ABRAXAS2: variants seen among roughly 807,000 people sequenced by gnomAD.
ABRAXAS2 encodes abraxas 2, BRISC complex subunit, also known as BRISC complex subunit Abraxas 2.
In ABRAXAS2, 23 loss-of-function variants were observed where a neutral mutation model predicts 49.0. The observed-to-expected ratio is 0.47, with a 90% confidence interval of 0.34 to 0.66. The LOEUF (loss-of-function observed/expected upper bound fraction) is 0.66. ABRAXAS2 is among the 30% of genes least tolerant of loss of function. The pLI, the probability that ABRAXAS2 is intolerant of heterozygous loss-of-function variation, is 0.01. For missense variants in ABRAXAS2, 443 were observed against 511.9 expected, an observed-to-expected ratio of 0.87 and a Z score of 1.30; for synonymous variants, 168 against 180.2, an observed-to-expected ratio of 0.93 and a Z score of 0.54.
intron 4 of ABRAXAS2, among the ~76,000 whole-genome samples, chr10:124,824,156 C>T (rs1243868645): frequency 6.6e-6 from 1 of 152,180 alleles, no homozygotes; most frequent in Non-Finnish European, 1.5e-5. Context: ...CCTGCCTTGG[C>T]CTCCCAAAGT....
chr10:124,829,558 C>A, intron 7 of ABRAXAS2, 81 bp downstream of exon 7: 2 of 930,656 alleles, frequency 2.1e-6, no homozygotes, highest in Non-Finnish European at 3.3e-6. Context: ...GAATTGTCTT[C>A]CAACTGACAA....
chr10:124,826,570 G>C, intron 4 of ABRAXAS2, 25 bp from the exon 5 acceptor site: 2 of 1,597,624 alleles, frequency 1.3e-6, no homozygotes, highest in Non-Finnish European at 1.7e-6. Context: ...AAGATTTCAT[G>C]CAACTTTTCA....
rs1950969484 is a variant in ABRAXAS2 at position 124,836,523 on chromosome 10, TA to T, written c.*1553del. ...CGCAGCTTCAGCGCCAGTGTGAATT[TA>T]TTTTTTTTTAAGTGCCATTACCGTC... On this transcript the variant is annotated 3_prime_UTR_variant, in exon 9 of 9. Transcript: ENST00000298492. 1 of 152,558 alleles carries T rather than the reference TA, an allele frequency of 6.6e-6. No individual in the cohort carries two copies. The highest frequency in any genetic ancestry group is 6.6e-5 in the Admixed American group (1 of 15,258). The allele number at this position is 152,558 out of a possible 1,614,324, so 9.5% of individuals were successfully genotyped here.
At chr10:124,831,591 A>C in intron 8 of ABRAXAS2, 128 bp downstream of exon 8, 1 of 532,354 alleles carries the variant, frequency 1.9e-6, no homozygotes, top group South Asian at 2.6e-5. Flanking sequence ...TGGCTGGGGC[A>C]GAGCAGTCTC....
intron 1 of ABRAXAS2, among the ~76,000 whole-genome samples, chr10:124,803,067 AAT>A (rs1457942524): frequency 1.3e-5 from 2 of 152,224 alleles, no homozygotes; most frequent in African/African-American, 2.4e-5. Flanking sequence ...TTAATAATGT[AAT>A]ATAGTTCCAT....
rs960425151 is a variant in ABRAXAS2, at chr10:124,810,827, C to T, written c.163+3906C>T. On this transcript the variant is annotated intron_variant, in intron 2 of 8. Coordinates refer to ENST00000298492, the MANE Select transcript of ABRAXAS2 (RefSeq NM_032182.4). ...CGATCTCTTGACCTTGTGATCCATC[C>T]GCCTTGGCCTCCCAAAGTGCTGGGA... Among the ~76,000 whole-genome samples the T allele has an allele frequency of 7.9e-5, 12 of 151,508 alleles. No homozygotes were observed. The East Asian group carries it at 1.2e-3, about 15-fold the overall frequency.
At position 124,826,465 on chromosome 10, in the gene ABRAXAS2, G is replaced by A. The variant is rs1401240647; in HGVS notation, c.268-130G>A. 16 of 785,532 alleles carry A rather than the reference G, an allele frequency of 2.0e-5. No individual in the cohort carries two copies. The East Asian group carries it at 2.6e-4, about 13-fold the overall frequency. 48.7% of individuals were successfully genotyped at this position (785,532 alleles called of 1,614,324 possible). On this transcript the variant is annotated intron_variant, in intron 4 of 8. Transcript: ENST00000298492. ...TTTATCCATGCTCCTGCTCATGGAC[G>A]CTTGGGTTGTTCCAGGGTGGGGCTT...
chr10:124,802,217 C>T (rs1033678554), intron 1 of ABRAXAS2, among the ~76,000 whole-genome samples: 2 of 152,166 alleles, frequency 1.3e-5, no homozygotes, highest in Admixed American at 6.5e-5. Context: ...GAGCGCCTGC[C>T]CCTCCCTGAA....
At chr10:124,816,720 C>T in intron 3 of ABRAXAS2, 108 bp downstream of exon 3, 1 of 754,720 alleles carries the variant, frequency 1.3e-6, no homozygotes, top group Non-Finnish European at 2.3e-6. Flanking sequence ...TGAGGGTACC[C>T]AAATCCATGT....
chr10:124,824,544 A>C (rs1039007771), intron 4 of ABRAXAS2, among the ~76,000 whole-genome samples: 2 of 152,054 alleles, frequency 1.3e-5, no homozygotes, highest in Non-Finnish European at 2.9e-5. Context: ...CAAAAAAAAA[A>C]AAAAACAAAA....
At chr10:124,813,351 A>G (rs1164758847) in intron 2 of ABRAXAS2, among the ~76,000 whole-genome samples, 2 of 152,240 alleles carry the variant, frequency 1.3e-5, no homozygotes, top group Non-Finnish European at 2.9e-5. Flanking sequence ...CAGCAACAGA[A>G]GTGTCCTTAG....
Position 124,828,800 on chromosome 10 carries a change from C to G in ABRAXAS2, c.503C>G (p.Thr168Ser), listed in dbSNP as rs746016064. ...CTCGCTATTCCCAATCTAGGAAATA[C>G]TAGCCAGCAAGAGTACAAAGTGTCT... ...ISLAIPNLGN[T>S]SQQEYKVSSV... The change falls in exon 6 of 9, where the codon ACT becomes AGT. Residue 168 changes from threonine (T) to serine (S), a missense_variant. Thr to Ser is a moderately conservative substitution (Grantham distance 58). Coordinates refer to ENST00000298492, the MANE Select transcript of ABRAXAS2 (RefSeq NM_032182.4). The G allele has an allele frequency of 1.2e-6, 2 of 1,613,440 alleles. No homozygotes were observed. The highest frequency in any genetic ancestry group is 2.2e-5 in the South Asian group (2 of 91,068).
Position 124,836,198 on chromosome 10 carries a change from T to TA in ABRAXAS2, c.*1231dup, listed in dbSNP as rs1485167177. 1 of 152,606 alleles carries TA rather than the reference T, an allele frequency of 6.6e-6. No homozygotes were observed. The highest frequency in any genetic ancestry group is 1.5e-5 in the Non-Finnish European group (1 of 68,026). The allele number at this position is 152,606 out of a possible 1,614,324, so 9.5% of individuals were successfully genotyped here. A position where few individuals can be genotyped will look rare whatever the true frequency, so the allele number is the denominator to read the frequency against. Reference sequence around the variant, plus strand: ...TTAACTGCCTTCCCTTTGAACTAGTTAAAATCTGTAAGAATAAGGAAGTTG... The same window carrying TA: ...TTAACTGCCTTCCCTTTGAACTAGTTAAAAATCTGTAAGAATAAGGAAGTTG... On this transcript the variant is annotated 3_prime_UTR_variant, in exon 9 of 9. Coordinates refer to ENST00000298492, the MANE Select transcript of ABRAXAS2 (RefSeq NM_032182.4).
chr10:124,827,162 A>T (rs1156253397), intron 5 of ABRAXAS2, among the ~76,000 whole-genome samples: 12 of 137,248 alleles, frequency 8.7e-5, no homozygotes, highest in Non-Finnish European at 1.1e-4. Flanking sequence ...ATTATAGTGC[A>T]TTTTTTTTTT....
In ABRAXAS2 at chr10:124,829,401, T is replaced by G; in HGVS notation, c.587T>G (p.Phe196Cys). 1 of 1,608,808 alleles carries G rather than the reference T, an allele frequency of 6.2e-7. No individual in the cohort carries two copies. The highest frequency in any genetic ancestry group is 8.5e-7 in the Non-Finnish European group (1 of 1,176,744). The stretch of plus-strand genomic sequence containing the variant: ...TTCTGTTTGTCTTCCAGTACTGACT[T>G]TTTTGACAAGGATGGAGTGATGAAA... The part of the protein sequence containing the change: ...AKVIKEHGTD[F>C]FDKDGVMKDI... The change falls in exon 7 of 9, where the codon TTT becomes TGT. Residue 196 changes from phenylalanine to cysteine, a missense_variant. Coordinates refer to ENST00000298492, the MANE Select transcript of ABRAXAS2 (RefSeq NM_032182.4).
At chr10:124,818,709 G>A (rs1157442063) in intron 3 of ABRAXAS2, among the ~76,000 whole-genome samples, 1 of 152,158 alleles carries the variant, frequency 6.6e-6, no homozygotes, top group African/African-American at 2.4e-5. Flanking sequence ...AGTAGTAGAG[G>A]AGGCCCACGC....
At position 124,836,312 on chromosome 10, in the gene ABRAXAS2, TAGAC is replaced by T. The variant is rs1465127431; in HGVS notation, c.*1344_*1347del. On this transcript the variant is annotated 3_prime_UTR_variant, in exon 9 of 9. Transcript: ENST00000298492. ...CTGAGCTCCAGTTCCAATACTAAAT[TAGAC>T]AGTATCATATAGACGGAAAATGAAA... 1 of 152,206 alleles carries T rather than the reference TAGAC, an allele frequency of 6.6e-6. No homozygotes were observed. The highest frequency in any genetic ancestry group is 1.5e-5 in the Non-Finnish European group (1 of 68,034). 9.4% of individuals were successfully genotyped at this position (152,206 alleles called of 1,614,324 possible). A position where few individuals can be genotyped will look rare whatever the true frequency, so the allele number is the denominator to read the frequency against.
chr10:124,817,174 C>T, intron 3 of ABRAXAS2, among the ~76,000 whole-genome samples: 1 of 152,142 alleles, frequency 6.6e-6, no homozygotes, highest in East Asian at 1.9e-4. Context: ...CACTCACTCT[C>T]AAACATATTT....
chr10:124,804,440 A>G (rs1177989524), intron 1 of ABRAXAS2, among the ~76,000 whole-genome samples: 1 of 152,232 alleles, frequency 6.6e-6, no homozygotes, highest in Non-Finnish European at 1.5e-5. Flanking sequence ...GCTGTAGAAT[A>G]CTAGGAATCT....
Sources: allele counts gnomAD v4.1 joint callset (sites outside exome capture counted in the v4.1 genomes callset), GRCh38; gene constraint gnomAD v4.1.1; transcripts MANE v1.5; gene names NCBI Gene and HGNC (gene_info 2026-07-23, HGNC 2026-07-21).